AKAP6: variants seen among roughly 807,000 people sequenced by gnomAD.
The protein encoded by AKAP6 is A-kinase anchoring protein 6, also known as A-kinase anchor protein 6.
In AKAP6, 58 loss-of-function variants were observed where a neutral mutation model predicts 188.5. That is an observed-to-expected ratio of 0.31 (90% CI 0.25 to 0.38). The LOEUF (loss-of-function observed/expected upper bound fraction) is 0.38, where lower values mean the gene tolerates loss of function less well. AKAP6 is among the 10% of genes least tolerant of loss of function. AKAP6 has a pLI of 1.00. For synonymous variants in AKAP6, 989 were observed against 998.6 expected, an observed-to-expected ratio of 0.99 and a Z score of 0.18; for missense variants, 2,710 against 2,740.0, an observed-to-expected ratio of 0.99 and a Z score of 0.24.
chr14:32,618,409 C>T (rs1418994205), intron 7 of AKAP6, among the ~76,000 whole-genome samples: 1 of 152,156 alleles, frequency 6.6e-6, no homozygotes, highest in Non-Finnish European at 1.5e-5. Context: ...TTTGCATACC[C>T]ATAGCTTAGC....
intron 1 of AKAP6, among the ~76,000 whole-genome samples, chr14:32,409,059 G>T (rs952924933): frequency 2.2e-4 from 33 of 152,072 alleles, no homozygotes; most frequent in Non-Finnish European, 1.6e-4. Context: ...AATTAGCCAG[G>T]CATGGTGGCA....
chr14:32,428,866 C>A (rs937123459), intron 1 of AKAP6, among the ~76,000 whole-genome samples: 1 of 152,120 alleles, frequency 6.6e-6, no homozygotes, highest in African/African-American at 2.4e-5. Context: ...GGTGGAAAAA[C>A]CCTTTTATAA....
chr14:32,469,152 G>A (rs529750945), intron 2 of AKAP6, among the ~76,000 whole-genome samples: 79 of 152,278 alleles, frequency 5.2e-4, no homozygotes, highest in African/African-American at 1.6e-3. Context: ...ACTAGACTTT[G>A]TGCCAGGAAA....
intron 1 of AKAP6, among the ~76,000 whole-genome samples, chr14:32,406,263 G>A (rs1889289449): frequency 6.6e-6 from 1 of 152,210 alleles, no homozygotes; most frequent in African/African-American, 2.4e-5. Flanking sequence ...GGGAGGGAGT[G>A]CAGTGGTGTG....
In AKAP6 at chr14:32,593,639, C is replaced by T. The variant is rs74562724; in HGVS notation, c.2470-5771C>T. ...AATAAATCAAAATTCTCCCAAGCTGCCTATGCTTAACTGCCTGGCTTAGAG... is the reference window on the plus strand; with the variant it reads ...AATAAATCAAAATTCTCCCAAGCTGTCTATGCTTAACTGCCTGGCTTAGAG... On this transcript the variant is annotated intron_variant, in intron 5 of 13. Transcript: ENST00000280979. Among the ~76,000 whole-genome samples the T allele has an allele frequency of 3.9e-4, 59 of 152,290 alleles. 1 individual carries two copies. In the East Asian group the frequency reaches 0.01, roughly 26 times the overall value.
intron 13 of AKAP6, among the ~76,000 whole-genome samples, chr14:32,828,592 G>A (rs1021585858): frequency 6.6e-6 from 1 of 150,652 alleles, no homozygotes; most frequent in Non-Finnish European, 1.5e-5. Context: ...CCAGATCTGT[G>A]CCTCAGCCAA....
chr14:32,548,907 G>A (rs1883327496), intron 4 of AKAP6, among the ~76,000 whole-genome samples: 1 of 151,926 alleles, frequency 6.6e-6, no homozygotes, highest in South Asian at 2.1e-4. Flanking sequence ...TTTTTGTTCT[G>A]TTTTTTGTTT....
chr14:32,566,930 T>G (rs947445364), intron 4 of AKAP6, among the ~76,000 whole-genome samples: 4 of 151,644 alleles, frequency 2.6e-5, no homozygotes, highest in Non-Finnish European at 4.4e-5. Flanking sequence ...AGTACTTAAT[T>G]TTTTTTTTCT....
At chr14:32,377,730 G>A (rs1347812974) in intron 1 of AKAP6, among the ~76,000 whole-genome samples, 1 of 152,180 alleles carries the variant, frequency 6.6e-6, no homozygotes, top group Non-Finnish European at 1.5e-5. Context: ...AATCTTGTGA[G>A]TTCAGAGGGC....
intron 1 of AKAP6, among the ~76,000 whole-genome samples, chr14:32,351,576 A>C (rs1326061991): frequency 1.3e-5 from 2 of 151,946 alleles, no homozygotes; most frequent in African/African-American, 2.4e-5. Context: ...AAAAAAAAAA[A>C]CAAAAACATT....
At chr14:32,810,091 A>G (rs530550256) in intron 12 of AKAP6, among the ~76,000 whole-genome samples, 1 of 152,242 alleles carries the variant, frequency 6.6e-6, no homozygotes, top group South Asian at 2.1e-4. Flanking sequence ...AATCAACTCC[A>G]CTAGCAGGTC....
chr14:32,578,799 G>A (rs758429033), intron 5 of AKAP6, among the ~76,000 whole-genome samples: 3 of 151,532 alleles, frequency 2.0e-5, no homozygotes, highest in Non-Finnish European at 3.0e-5. Context: ...AGCCGGGCTA[G>A]GAGAGTATGG....
intron 1 of AKAP6, among the ~76,000 whole-genome samples, chr14:32,414,956 T>C (rs1889609991): frequency 6.6e-6 from 1 of 152,224 alleles, no homozygotes; most frequent in African/African-American, 2.4e-5. Context: ...AATTACATTA[T>C]GTATTTTTAA....
At chr14:32,709,836 T>G (rs1890966676) in intron 9 of AKAP6, among the ~76,000 whole-genome samples, 2 of 152,048 alleles carry the variant, frequency 1.3e-5, no homozygotes, top group Non-Finnish European at 2.9e-5. Context: ...TTTCTCAAGC[T>G]TTTGCAGTTT....
At position 32,822,954 on chromosome 14, in the gene AKAP6, C is replaced by A. The variant is rs143719716; in HGVS notation, c.5141C>A (p.Ser1714Ter). ...TTACACAAGAACAAGATCCCGGAAT[C>A]GAATGCATCGTTCAGGAAGCGTCTG... is the stretch of plus-strand genomic sequence containing the variant. ...IVLHKNKIPE[S>*]NASFRKRLTR... Residue 1714 changes from serine (S) to a stop codon, truncating the protein, a stop_gained, in exon 13 of 14, where the codon TCG becomes TAG. Coordinates refer to ENST00000280979, the MANE Select transcript of AKAP6 (RefSeq NM_004274.5). LOFTEE classifies it high-confidence loss of function. 1 of 1,613,888 alleles carries A rather than the reference C, an allele frequency of 6.2e-7. No homozygotes were observed. Among genetic ancestry groups the A allele is most frequent in the Non-Finnish European group, 8.5e-7 (1 of 1,179,916 alleles).
chr14:32,773,612 G>C (rs1405663239), intron 11 of AKAP6, 66 bp from the exon 12 acceptor site: 6 of 1,380,942 alleles, frequency 4.3e-6, no homozygotes, highest in East Asian at 2.3e-5. Flanking sequence ...ATGGAAGAAG[G>C]TGTTTCATGT....
In AKAP6 at chr14:32,834,441, T is replaced by G. The variant is rs2140179006; in HGVS notation, c.*4636T>G. ...ATACCTGATAGTTTATATTCAAGTT[T>G]CTCTAACTACCCAAATTATGTCCTC... On this transcript the variant is annotated 3_prime_UTR_variant, in exon 14 of 14. Coordinates refer to ENST00000280979, the MANE Select transcript of AKAP6 (RefSeq NM_004274.5). 6.6e-6 allele frequency: 1 copy of G among 152,010 alleles called. No homozygotes were observed. The highest frequency in any genetic ancestry group is 1.9e-4 in the East Asian group (1 of 5,166). 9.4% of individuals were successfully genotyped at this position (152,010 alleles called of 1,614,324 possible).
At chr14:32,781,469 T>C (rs2140019918) in intron 12 of AKAP6, among the ~76,000 whole-genome samples, 1 of 152,268 alleles carries the variant, frequency 6.6e-6, no homozygotes, top group South Asian at 2.1e-4. Context: ...GTTGGCTTTA[T>C]AGGTGAATTC....
In AKAP6 at chr14:32,735,873, A is replaced by G. The variant is rs767732698; in HGVS notation, c.3363A>G (p.Gln1121=). ...EGTMNTEKQL[Q]YFKSLCREIK... ...CAATGAATACTGAGAAACAACTGCA[A>G]TACTTTAAGGTAATAAAAAAACAAT... Residue 1121 remains glutamine (Q), a synonymous_variant, in exon 11 of 14, where the codon CAA becomes CAG. Coordinates refer to ENST00000280979, the MANE Select transcript of AKAP6 (RefSeq NM_004274.5). 4 of 1,604,366 alleles carry G rather than the reference A, an allele frequency of 2.5e-6. No individual in the cohort carries two copies. Among genetic ancestry groups the G allele is most frequent in the East Asian group, 4.5e-5 (2 of 44,814 alleles).
Sources: allele counts gnomAD v4.1 joint callset (sites outside exome capture counted in the v4.1 genomes callset), GRCh38; gene constraint gnomAD v4.1.1; transcripts MANE v1.5; gene names NCBI Gene and HGNC (gene_info 2026-07-23, HGNC 2026-07-21).